Variants in SEZ6L observed in about 807,000 individuals in gnomAD.
SEZ6L encodes the protein seizure 6-like protein.
In SEZ6L, 37 loss-of-function variants were observed where a neutral mutation model predicts 106.2. The observed-to-expected ratio is 0.35, with a 90% CI of 0.27 to 0.46. The LOEUF (loss-of-function observed/expected upper bound fraction) is 0.46, where lower values mean the gene tolerates loss of function less well. Ranked by LOEUF, SEZ6L falls within the 20% of genes least tolerant of loss-of-function variation. SEZ6L has a pLI of 1.00. For missense variants in SEZ6L, 1,172 were observed against 1,332.8 expected (o/e 0.88, Z 1.88); for synonymous variants, 541 against 570.4 (o/e 0.95, Z 0.73).
At chr22:26,255,677 T>C (rs980794659) in intron 1 of SEZ6L, among the ~76,000 whole-genome samples, 1 of 152,196 alleles carries the variant, frequency 6.6e-6, no homozygotes. Context: ...CTTGGGGCTG[T>C]CACCTCCATG....
Position 26,261,962 on chromosome 22 carries a change from G to T in SEZ6L, c.95-30444G>T, listed in dbSNP as rs143287357. ...TTCAGCTGAGTGATCATCCAGAAGT[G>T]AGGAAGAGTTAGCCTCCACGATTGG... On this transcript the variant is annotated intron_variant, in intron 1 of 16. Transcript: ENST00000248933. Among the ~76,000 whole-genome samples the T allele has an allele frequency of 2.3e-3, 349 of 152,200 alleles. 1 individual carries two copies. Among genetic ancestry groups the T allele is most frequent in the African/African-American group, 7.5e-3 (313 of 41,514 alleles).
At chr22:26,267,591 A>G (rs1000330521) in intron 1 of SEZ6L, among the ~76,000 whole-genome samples, 3 of 152,246 alleles carry the variant, frequency 2.0e-5, no homozygotes, top group African/African-American at 7.2e-5. Flanking sequence ...CATAGCTTCA[A>G]CCAAGCTAAA....
At chr22:26,201,588 A>G (rs1478656216) in intron 1 of SEZ6L, among the ~76,000 whole-genome samples, 1 of 151,928 alleles carries the variant, frequency 6.6e-6, no homozygotes, top group Non-Finnish European at 1.5e-5. Flanking sequence ...ATAAAATAAA[A>G]TAAAACGTAT....
intron 1 of SEZ6L, among the ~76,000 whole-genome samples, chr22:26,280,283 C>T (rs74675451): frequency 6.8e-6 from 1 of 146,392 alleles, no homozygotes; most frequent in South Asian, 2.1e-4. Flanking sequence ...TATATATATA[C>T]ATATATATGC....
chr22:26,230,448 G>A (rs556305839), intron 1 of SEZ6L, among the ~76,000 whole-genome samples: 40 of 152,172 alleles, frequency 2.6e-4, no homozygotes, highest in African/African-American at 6.8e-4. Context: ...CTAACTCTGC[G>A]CCAGGCACAG....
At chr22:26,329,372 G>T (rs2082412586) in intron 9 of SEZ6L, among the ~76,000 whole-genome samples, 1 of 152,160 alleles carries the variant, frequency 6.6e-6, no homozygotes, top group South Asian at 2.1e-4. Flanking sequence ...GGAGGCTAAG[G>T]CAGGAGAATA....
chr22:26,307,478 T>TA (rs34235682), intron 6 of SEZ6L, among the ~76,000 whole-genome samples: 13,838 of 145,318 alleles, frequency 0.095, 652 homozygotes, highest in African/African-American at 0.14. Context: ...TGGAAAGACT[T>TA]AAAAAAAAAA....
intron 1 of SEZ6L, among the ~76,000 whole-genome samples, chr22:26,230,897 G>C (rs1018565499): frequency 6.6e-6 from 1 of 152,202 alleles, no homozygotes; most frequent in African/African-American, 2.4e-5. Flanking sequence ...GATTATTGAC[G>C]AGGCCAGCAC....
intron 10 of SEZ6L, among the ~76,000 whole-genome samples, chr22:26,345,715 C>G (rs2082986908): frequency 6.6e-6 from 1 of 152,192 alleles, no homozygotes; most frequent in South Asian, 2.1e-4. Context: ...AATGACTTTC[C>G]TGCAGACAGC....
chr22:26,221,657 C>T (rs2078472644), intron 1 of SEZ6L, among the ~76,000 whole-genome samples: 1 of 152,056 alleles, frequency 6.6e-6, no homozygotes, highest in Admixed American at 6.5e-5. Flanking sequence ...ATCTACTCAA[C>T]AATATTTTAA....
At chr22:26,310,915 A>G in intron 7 of SEZ6L, 79 bp downstream of exon 7, 2 of 1,436,502 alleles carry the variant, frequency 1.4e-6, no homozygotes, top group Admixed American at 3.8e-5. Flanking sequence ...GGGAGATAGA[A>G]ATCTGGGCTG....
In SEZ6L at chr22:26,381,813, G is replaced by T; in HGVS notation, c.*1518G>T. ...ACATGGTGGTGACAGTCAATGGCTT[G>T]GACAGACAGACGGGCACAGTGGCAT... On this transcript the variant is annotated 3_prime_UTR_variant, in exon 17 of 17. Transcript: ENST00000248933. 3.0e-6 allele frequency: 1 copy of T among 330,420 alleles called. No individual in the cohort carries two copies. The highest frequency in any genetic ancestry group is 6.0e-6 in the Non-Finnish European group (1 of 166,262). 20.5% of individuals were successfully genotyped at this position (330,420 alleles called of 1,614,324 possible). A position where few individuals can be genotyped will look rare whatever the true frequency, so the allele number is the denominator to read the frequency against.
chr22:26,312,076 G>A (rs1012031993), intron 8 of SEZ6L, 114 bp downstream of exon 8: 1 of 1,048,368 alleles, frequency 9.5e-7, no homozygotes, highest in Non-Finnish European at 1.4e-6. Flanking sequence ...CCAACTTTAG[G>A]ATTAGAACCC....
chr22:26,297,584 T>C (rs998178212), intron 4 of SEZ6L, among the ~76,000 whole-genome samples: 1 of 152,200 alleles, frequency 6.6e-6, no homozygotes, highest in Non-Finnish European at 1.5e-5. Context: ...ATTCAATATA[T>C]AGATCCACTG....
chr22:26,176,879 G>T (rs1027769339), intron 1 of SEZ6L, among the ~76,000 whole-genome samples: 2 of 152,138 alleles, frequency 1.3e-5, no homozygotes, highest in Non-Finnish European at 2.9e-5. Flanking sequence ...AATTATGAAT[G>T]ATCCTCTTGA....
intron 1 of SEZ6L, among the ~76,000 whole-genome samples, chr22:26,196,278 T>C (rs1482397907): frequency 6.6e-6 from 1 of 152,202 alleles, no homozygotes; most frequent in East Asian, 1.9e-4. Flanking sequence ...GTAAGTTTTC[T>C]GAGACCTCCC....
chr22:26,364,584 G>A (rs764345235), intron 12 of SEZ6L, among the ~76,000 whole-genome samples: 4 of 152,122 alleles, frequency 2.6e-5, no homozygotes, highest in African/African-American at 9.7e-5. Context: ...TTAGGCTACC[G>A]GGTACTTTGT....
intron 1 of SEZ6L, among the ~76,000 whole-genome samples, chr22:26,175,569 C>T (rs1938928006): frequency 6.6e-6 from 1 of 152,120 alleles, no homozygotes; most frequent in Non-Finnish European, 1.5e-5. Flanking sequence ...CCAAAACCAA[C>T]CCTCAGTAGT....
chr22:26,343,923 A>G (rs2082925386), intron 10 of SEZ6L, among the ~76,000 whole-genome samples: 1 of 152,250 alleles, frequency 6.6e-6, no homozygotes, highest in South Asian at 2.1e-4. Flanking sequence ...AAGAACTCCA[A>G]GGAGGTCATG....
Sources: gnomAD v4.1 joint callset for allele counts (sites outside exome capture counted in the v4.1 genomes callset) on GRCh38, gnomAD v4.1.1 for gene constraint, MANE v1.5 for transcripts, NCBI Gene and HGNC (gene_info 2026-07-23, HGNC 2026-07-21) for gene names.